PRDM4: variants seen among roughly 807,000 people sequenced by gnomAD.
The protein encoded by PRDM4 is PR/SET domain 4.
A neutral mutation model predicts 62.3 loss-of-function variants in PRDM4; 38 were observed. The observed-to-expected ratio is 0.61, with a 90% confidence interval of 0.47 to 0.80. The LOEUF is 0.80. Ranked by LOEUF, PRDM4 falls within the 30% of genes least tolerant of loss-of-function variation. The pLI, the probability that PRDM4 is intolerant of heterozygous loss-of-function variation, is 0.00. For missense variants in PRDM4, 858 were observed against 997.1 expected (o/e 0.86, Z 1.88); for synonymous variants, 339 against 348.2 (o/e 0.97, Z 0.30).
intron 11 of PRDM4, among the ~76,000 whole-genome samples, chr12:107,738,878 AACACACACACAC>A (rs111582421): frequency 2.5e-4 from 37 of 146,890 alleles, no homozygotes; most frequent in African/African-American, 7.5e-4. Flanking sequence ...AATTCAGACA[AACACACACACAC>A]ACACACACAC....
intron 11 of PRDM4, 86 bp downstream of exon 11, chr12:107,739,297 C>T (rs1331100723): frequency 3.5e-5 from 52 of 1,475,756 alleles, no homozygotes; most frequent in Middle Eastern, 2.5e-4. Flanking sequence ...AGCCAGGACT[C>T]CCCAGCCCTT....
In PRDM4 at chr12:107,760,785, G is replaced by A. The variant is rs1326748908; in HGVS notation, c.-256-14C>T. 4.8e-5 allele frequency: 22 copies of A among 456,904 alleles called. No individual in the cohort carries two copies. Among genetic ancestry groups the A allele is most frequent in the Non-Finnish European group, 7.5e-5 (19 of 253,876 alleles). The allele number at this position is 456,904 out of a possible 1,614,324, so 28.3% of individuals were successfully genotyped here. A position where few individuals can be genotyped will look rare whatever the true frequency, so the allele number is the denominator to read the frequency against. On this transcript the variant is annotated splice_polypyrimidine_tract_variant and intron_variant, in intron 1 of 11. Transcript: ENST00000228437. ...GGGCTGCCCAACCTGGGGGAGTGGG[G>A]ACAAGAGCGGTCACCAAAACCACAA...
At chr12:107,745,143 T>C (rs768386366) in intron 6 of PRDM4, among the ~76,000 whole-genome samples, 2 of 152,030 alleles carry the variant, frequency 1.3e-5, no homozygotes, top group African/African-American at 2.4e-5. Context: ...CCTGTAAATA[T>C]ATAAAATGTA....
chr12:107,741,274 A>G lies in PRDM4; in HGVS notation c.1610-14T>C. 3 of 1,591,882 alleles carry G rather than the reference A, an allele frequency of 1.9e-6. No homozygotes were observed. Among genetic ancestry groups the G allele is most frequent in the Non-Finnish European group, 2.6e-6 (3 of 1,165,184 alleles). ...GTTCAGGAACACCTTTTAAAAAAAAATTACTCATTATCTCCCAATACTTGA... is the reference window on the plus strand; with the variant it reads ...GTTCAGGAACACCTTTTAAAAAAAAGTTACTCATTATCTCCCAATACTTGA... On this transcript the variant is annotated splice_polypyrimidine_tract_variant and intron_variant, in intron 9 of 11. Coordinates refer to ENST00000228437, the MANE Select transcript of PRDM4 (RefSeq NM_012406.4).
At position 107,734,393 on chromosome 12, in the gene PRDM4, G is replaced by C. The variant is rs762075424; in HGVS notation, c.2223C>G (p.Thr741=). 1.9e-5 allele frequency: 31 copies of C among 1,613,986 alleles called. No individual in the cohort carries two copies. Among genetic ancestry groups the C allele is most frequent in the African/African-American group, 2.7e-5 (2 of 74,908 alleles). ...VCEKCTKAYL[T]KYHLTRHLKT... ...TCAGGTGGCGGGTGAGATGGTATTTGGTTAGATAAGCCTTTGTACATTTTT... is the reference window on the plus strand; with the variant it reads ...TCAGGTGGCGGGTGAGATGGTATTTCGTTAGATAAGCCTTTGTACATTTTT... The change falls in exon 12 of 12, where the codon ACC becomes ACG. Residue 741 remains threonine, a synonymous_variant. Coordinates refer to ENST00000228437, the MANE Select transcript of PRDM4 (RefSeq NM_012406.4).
At chr12:107,734,599 G>A (rs980419252) in intron 11 of PRDM4, 77 bp from the exon 12 acceptor site, 48 of 1,383,644 alleles carry the variant, frequency 3.5e-5, no homozygotes, top group African/African-American at 7.2e-5. Flanking sequence ...CTTCATAGCC[G>A]CAGGCCTTTG....
chr12:107,749,675 A>T (rs1890828635), intron 5 of PRDM4, among the ~76,000 whole-genome samples: 1 of 152,012 alleles, frequency 6.6e-6, no homozygotes, highest in Admixed American at 6.6e-5. Context: ...TCTGCATCCT[A>T]ATTACCTCTA....
intron 2 of PRDM4, among the ~76,000 whole-genome samples, chr12:107,758,681 C>T (rs1014430909): frequency 3.3e-5 from 5 of 152,160 alleles, no homozygotes; most frequent in African/African-American, 1.2e-4. Flanking sequence ...ACATTAGGGC[C>T]TATCTACTTA....
chr12:107,757,047 T>A, intron 2 of PRDM4, 82 bp from the exon 3 acceptor site: 2 of 1,436,564 alleles, frequency 1.4e-6, no homozygotes, highest in Non-Finnish European at 1.9e-6. Context: ...ACTGAAACAG[T>A]GGGGATGGGG....
chr12:107,744,952 T>G (rs2136318210), intron 6 of PRDM4, among the ~76,000 whole-genome samples: 1 of 152,166 alleles, frequency 6.6e-6, no homozygotes, highest in South Asian at 2.1e-4. Context: ...CCCAGCTACT[T>G]GGGAGGCTGA....
chr12:107,750,178 C>G (rs1280723417), intron 5 of PRDM4, among the ~76,000 whole-genome samples: 1 of 152,168 alleles, frequency 6.6e-6, no homozygotes, highest in Non-Finnish European at 1.5e-5. Context: ...CTGTAAGCTC[C>G]TTAAAGGTAT....
chr12:107,760,482 C>T, intron 2 of PRDM4, 23 bp downstream of exon 2: 1 of 1,613,436 alleles, frequency 6.2e-7, no homozygotes, highest in Non-Finnish European at 8.5e-7. Flanking sequence ...GTCACCAGTG[C>T]TGAAGCCCAC....
chr12:107,746,967 T>C (rs1432819430), intron 5 of PRDM4, among the ~76,000 whole-genome samples: 1 of 152,072 alleles, frequency 6.6e-6, no homozygotes, highest in African/African-American at 2.4e-5. Context: ...AAGTTTCCTA[T>C]TCAGTGCATA....
intron 3 of PRDM4, among the ~76,000 whole-genome samples, 181 bp downstream of exon 3, chr12:107,756,651 C>T (rs1430245312): frequency 6.6e-6 from 1 of 152,216 alleles, no homozygotes; most frequent in Non-Finnish European, 1.5e-5. Context: ...AATTCTAATA[C>T]TCTACCTCTA....
rs1233068611 is a variant in PRDM4 at position 107,753,886 on chromosome 12, T to A, written c.331+38A>T. ...ATAAAAGTTTAAAAGCTGGCGCCGT[T>A]CTTTTTCTCTAACATCTCAAGTAAC... On this transcript the variant is annotated intron_variant, in intron 4 of 11. Transcript: ENST00000228437. The A allele has an allele frequency of 3.2e-6, 5 of 1,561,474 alleles. No individual in the cohort carries two copies. The South Asian group carries it at 3.5e-5, about 11-fold the overall frequency.
chr12:107,734,745 G>A (rs575832851), intron 11 of PRDM4, among the ~76,000 whole-genome samples: 22 of 152,252 alleles, frequency 1.4e-4, no homozygotes, highest in African/African-American at 5.3e-4. Context: ...CAAATTCTAT[G>A]TAAATTCTAT....
chr12:107,744,255 A>G (rs973106600), intron 7 of PRDM4, among the ~76,000 whole-genome samples: 1 of 152,274 alleles, frequency 6.6e-6, no homozygotes, highest in African/African-American at 2.4e-5. Flanking sequence ...CTCAGCAGTC[A>G]CAAGTAATTC....
intron 7 of PRDM4, 41 bp downstream of exon 7, chr12:107,744,502 A>G (rs372060212): frequency 1.9e-6 from 3 of 1,590,366 alleles, no homozygotes; most frequent in Non-Finnish European, 1.7e-6. Flanking sequence ...CTTACTAAGA[A>G]AAACAGCCAA....
chr12:107,745,679 G>A lies in PRDM4; in HGVS notation c.1276+596C>T, dbSNP rs146143431. Among the ~76,000 whole-genome samples, 481 of 152,316 alleles carry A rather than the reference G, an allele frequency of 3.2e-3. 3 individuals carry two copies. The highest frequency in any genetic ancestry group is 0.011 in the African/African-American group (469 of 41,576). ...AAATCAGACTTCTAAAATCTTTTGT[G>A]CTTAAAGCACTGCTCTATTTTACCT... On this transcript the variant is annotated intron_variant, in intron 6 of 11. Transcript: ENST00000228437.
Sources: allele counts gnomAD v4.1 joint callset (sites outside exome capture counted in the v4.1 genomes callset), GRCh38; gene constraint gnomAD v4.1.1; transcripts MANE v1.5; gene names NCBI Gene and HGNC (gene_info 2026-07-23, HGNC 2026-07-21).